RERG: variants seen among roughly 807,000 people sequenced by gnomAD.
RERG encodes the protein RAS like estrogen regulated growth inhibitor, also known as ras-related and estrogen-regulated growth inhibitor.
Under a neutral mutation model 23.2 loss-of-function variants are expected in RERG, and 25 were observed. That is an observed-to-expected ratio of 1.08 (90% CI 0.79 to 1.50). The LOEUF is 1.50. Among genes scored for constraint, RERG ranks in the 40% most tolerant of loss-of-function variants. The pLI, the probability that RERG is intolerant of heterozygous loss-of-function variation, is 0.00. For missense variants in RERG, 253 were observed against 250.1 expected, an observed-to-expected ratio of 1.01 and a Z score of -0.08; for synonymous variants, 81 against 89.1, an observed-to-expected ratio of 0.91 and a Z score of 0.51.
intron 2 of RERG, among the ~76,000 whole-genome samples, chr12:15,160,454 GAAAC>G (rs937786750): frequency 3.9e-5 from 6 of 152,072 alleles, no homozygotes; most frequent in African/African-American, 1.4e-4. Context: ...ATCTATAAAG[GAAAC>G]AAGAAGAAAT....
chr12:15,146,237 C>T (rs1823159801), intron 2 of RERG, among the ~76,000 whole-genome samples: 1 of 152,062 alleles, frequency 6.6e-6, no homozygotes, highest in Admixed American at 6.5e-5. Flanking sequence ...GGAACTGAAA[C>T]CAAGTGCTAC....
intron 2 of RERG, among the ~76,000 whole-genome samples, chr12:15,210,624 T>C (rs1167795697): frequency 6.6e-6 from 1 of 152,184 alleles, no homozygotes; most frequent in Middle Eastern, 3.2e-3. Context: ...AAGCACCATT[T>C]CTCTTTTTTC....
chr12:15,221,027 T>A (rs1285886460), intron 1 of RERG, among the ~76,000 whole-genome samples, 168 bp downstream of exon 1: 1 of 152,138 alleles, frequency 6.6e-6, no homozygotes, highest in Admixed American at 6.5e-5. Flanking sequence ...CCTGTCAAGA[T>A]AGGCTGCTGG....
chr12:15,159,621 A>G (rs1340773459), intron 2 of RERG, among the ~76,000 whole-genome samples: 1 of 152,172 alleles, frequency 6.6e-6, no homozygotes, highest in Admixed American at 6.5e-5. Flanking sequence ...CAGGAGATCG[A>G]GACCATCCTG....
At chr12:15,201,585 AATT>A (rs1248398002) in intron 2 of RERG, among the ~76,000 whole-genome samples, 3 of 148,898 alleles carry the variant, frequency 2.0e-5, no homozygotes, top group South Asian at 2.1e-4. Context: ...AGCTAATATT[AATT>A]ATTAGTAATT....
intron 2 of RERG, among the ~76,000 whole-genome samples, chr12:15,163,935 GGA>G (rs1238661388): frequency 5.9e-5 from 9 of 152,086 alleles, no homozygotes; most frequent in Non-Finnish European, 1.2e-4. Context: ...AGTGGAGAGA[GGA>G]GAGAGAGAGA....
chr12:15,175,173 T>TG (rs1244765036), intron 2 of RERG, among the ~76,000 whole-genome samples: 9 of 151,938 alleles, frequency 5.9e-5, no homozygotes, highest in African/African-American at 2.2e-4. Context: ...TTGTTTTTTT[T>TG]TTTGTTTTGT....
intron 2 of RERG, among the ~76,000 whole-genome samples, chr12:15,160,956 G>A (rs999733385): frequency 3.9e-5 from 6 of 151,926 alleles, no homozygotes; most frequent in African/African-American, 1.5e-4. Flanking sequence ...CCAACATGGT[G>A]AAACCCCGTC....
At chr12:15,169,883 G>A (rs1591656498) in intron 2 of RERG, among the ~76,000 whole-genome samples, 2 of 149,650 alleles carry the variant, frequency 1.3e-5, no homozygotes, top group African/African-American at 2.5e-5. Context: ...CACCACACAA[G>A]CAATGAAACA....
chr12:15,107,859 TTGG>T lies in RERG; in HGVS notation c.*1248_*1250del, dbSNP rs1426184829. 1.0e-4 allele frequency: 16 copies of T among 152,618 alleles called. No homozygotes were observed. The highest frequency in any genetic ancestry group is 1.6e-4 in the Non-Finnish European group (11 of 68,002). The allele number at this position is 152,618 out of a possible 1,614,324, so 9.5% of individuals were successfully genotyped here. A position where few individuals can be genotyped will look rare whatever the true frequency, so the allele number is the denominator to read the frequency against. On this transcript the variant is annotated 3_prime_UTR_variant, in exon 5 of 5. Coordinates refer to ENST00000256953, the MANE Select transcript of RERG (RefSeq NM_032918.3). ...AGTTACATCAAGTTGTCCAAATGCA[TTGG>T]TGAATTAATGCCGCTAACGCTTACA...
At chr12:15,145,000 TC>T in intron 2 of RERG, among the ~76,000 whole-genome samples, 1 of 152,340 alleles carries the variant, frequency 6.6e-6, no homozygotes, top group South Asian at 2.1e-4. Context: ...TTTTCTTTTT[TC>T]CATTCCTTCT....
intron 2 of RERG, among the ~76,000 whole-genome samples, chr12:15,185,582 T>G (rs1864979113): frequency 6.6e-6 from 1 of 152,160 alleles, no homozygotes; most frequent in South Asian, 2.1e-4. Flanking sequence ...TACGGTATTT[T>G]AAGGGAAAAT....
intron 3 of RERG, among the ~76,000 whole-genome samples, chr12:15,120,150 T>C (rs1028632543): frequency 6.6e-6 from 1 of 152,206 alleles, no homozygotes; most frequent in African/African-American, 2.4e-5. Flanking sequence ...TTTCACCTTG[T>C]ACTTCTTACT....
At chr12:15,167,332 T>C (rs1188563718) in intron 2 of RERG, among the ~76,000 whole-genome samples, 1 of 152,144 alleles carries the variant, frequency 6.6e-6, no homozygotes, top group Non-Finnish European at 1.5e-5. Flanking sequence ...TCAGAAAGAC[T>C]CCACCCCAGC....
intron 2 of RERG, among the ~76,000 whole-genome samples, chr12:15,139,005 G>T: frequency 1.0e-5 from 1 of 100,388 alleles, no homozygotes; most frequent in Admixed American, 1.1e-4. Context: ...TTGTTCACCT[G>T]TGTCTAGACT....
At chr12:15,186,331 C>G (rs1000284291) in intron 2 of RERG, among the ~76,000 whole-genome samples, 20 of 151,748 alleles carry the variant, frequency 1.3e-4, no homozygotes, top group African/African-American at 4.6e-4. Context: ...TTCATTTTGT[C>G]TGGATGTTTG....
chr12:15,190,892 G>GAGGC (rs772861441), intron 2 of RERG, among the ~76,000 whole-genome samples: 67 of 152,274 alleles, frequency 4.4e-4, no homozygotes, highest in Non-Finnish European at 6.6e-4. Flanking sequence ...AGCCTCTTCA[G>GAGGC]AGGCTTGACT....
intron 2 of RERG, among the ~76,000 whole-genome samples, chr12:15,211,127 T>G (rs1865359852): frequency 6.6e-6 from 1 of 152,232 alleles, no homozygotes; most frequent in Middle Eastern, 3.4e-3. Context: ...CTGCCCCTCT[T>G]CTTACCTTGA....
intron 2 of RERG, 32 bp from the exon 3 acceptor site, chr12:15,121,151 T>G (rs1258855585): frequency 6.4e-7 from 1 of 1,554,190 alleles, no homozygotes; most frequent in East Asian, 2.3e-5. Flanking sequence ...TTTCAAAAAA[T>G]AATTTGTTAA....
Sources: gnomAD v4.1 joint callset for allele counts (sites outside exome capture counted in the v4.1 genomes callset) on GRCh38, gnomAD v4.1.1 for gene constraint, MANE v1.5 for transcripts, NCBI Gene and HGNC (gene_info 2026-07-23, HGNC 2026-07-21) for gene names.